Variants in ZNF804B observed in about 807,000 individuals in gnomAD.
The protein encoded by ZNF804B is zinc finger 804B.
ZNF804B carries 80 observed loss-of-function variants against 101.4 expected under a neutral mutation model. The observed-to-expected ratio is 0.79, with a 90% CI of 0.66 to 0.95. The LOEUF (loss-of-function observed/expected upper bound fraction) is 0.95. Among genes scored for constraint, ZNF804B ranks in the 40% least tolerant of loss-of-function variants. The pLI is 0.00. For synonymous variants in ZNF804B, 622 were observed against 558.8 expected (o/e 1.11, Z -1.59); for missense variants, 1,673 against 1,561.9 (o/e 1.07, Z -1.20).
At chr7:89,251,415 C>T (rs117299915) in intron 2 of ZNF804B, among the ~76,000 whole-genome samples, 369 of 152,162 alleles carry the variant, frequency 2.4e-3, no homozygotes, top group South Asian at 3.7e-3. Context: ...AGAAACAAGA[C>T]ATCTACAAAA....
chr7:89,043,320 G>A (rs1356549832), intron 1 of ZNF804B, among the ~76,000 whole-genome samples: 3 of 152,190 alleles, frequency 2.0e-5, no homozygotes, highest in Non-Finnish European at 4.4e-5. Flanking sequence ...GTAACCTGTA[G>A]CAGAAATTAA....
chr7:88,771,508 C>A (rs528419762), intron 1 of ZNF804B, among the ~76,000 whole-genome samples: 14 of 152,112 alleles, frequency 9.2e-5, no homozygotes, highest in Non-Finnish European at 1.8e-4. Context: ...AGATTTGCAG[C>A]TCAATTGACA....
intron 1 of ZNF804B, among the ~76,000 whole-genome samples, chr7:89,082,806 C>T (rs765263091): frequency 1.3e-5 from 2 of 151,610 alleles, no homozygotes; most frequent in Admixed American, 6.6e-5. Context: ...ACATGTGTAG[C>T]GATCTAAATA....
At chr7:89,031,211 G>GTATA (rs779823005) in intron 1 of ZNF804B, among the ~76,000 whole-genome samples, 3 of 147,188 alleles carry the variant, frequency 2.0e-5, no homozygotes, top group African/African-American at 5.0e-5. Context: ...GTGTGTGTGT[G>GTATA]TATATATATA....
At chr7:89,268,686 TA>T (rs144230131) in intron 2 of ZNF804B, among the ~76,000 whole-genome samples, 42,841 of 151,844 alleles carry the variant, frequency 0.28, 6,250 homozygotes, top group South Asian at 0.34. Flanking sequence ...TACCTGGCTT[TA>T]AAGCAAATCC....
At chr7:89,152,077 G>T (rs1790885886) in intron 1 of ZNF804B, among the ~76,000 whole-genome samples, 1 of 152,010 alleles carries the variant, frequency 6.6e-6, no homozygotes, top group African/African-American at 2.4e-5. Flanking sequence ...AAACTACCCT[G>T]GTGTTCCTGT....
chr7:88,955,743 A>C (rs1368011098), intron 1 of ZNF804B, among the ~76,000 whole-genome samples: 11 of 151,646 alleles, frequency 7.3e-5, no homozygotes, highest in Non-Finnish European at 1.5e-5. Flanking sequence ...ACAAAAATAG[A>C]CAAATGAGAC....
At chr7:89,140,205 G>A (rs1436178463) in intron 1 of ZNF804B, among the ~76,000 whole-genome samples, 2 of 151,918 alleles carry the variant, frequency 1.3e-5, no homozygotes, top group East Asian at 3.9e-4. Context: ...ATAAAACCAT[G>A]CTGTAAAAAG....
At chr7:89,220,501 C>T (rs1176855375) in intron 2 of ZNF804B, among the ~76,000 whole-genome samples, 1 of 151,856 alleles carries the variant, frequency 6.6e-6, no homozygotes, top group African/African-American at 2.4e-5. Flanking sequence ...TATCACCCAA[C>T]TTCAATGATA....
intron 1 of ZNF804B, among the ~76,000 whole-genome samples, chr7:89,004,472 T>TAACTAAAC (rs1217719460): frequency 1.3e-5 from 2 of 151,868 alleles, no homozygotes; most frequent in Admixed American, 1.3e-4. Flanking sequence ...ATTTAAATAG[T>TAACTAAAC]TTCTGGGGTT....
intron 1 of ZNF804B, among the ~76,000 whole-genome samples, chr7:89,055,734 G>C (rs1260310324): frequency 6.6e-6 from 1 of 152,022 alleles, no homozygotes; most frequent in Non-Finnish European, 1.5e-5. Flanking sequence ...AAATATGGCA[G>C]CCAGGGAAAC....
intron 1 of ZNF804B, among the ~76,000 whole-genome samples, chr7:88,860,516 T>G (rs978431350): frequency 2.6e-5 from 4 of 152,094 alleles, no homozygotes; most frequent in African/African-American, 9.6e-5. Context: ...TATTCACAAA[T>G]AAATAATCTC....
Position 89,219,989 on chromosome 7 carries a change from G to GTATA in ZNF804B, c.249+1694_249+1695insTATA, listed in dbSNP as rs1257517964. Among the ~76,000 whole-genome samples the GTATA allele has an allele frequency of 7.4e-4, 102 of 137,878 alleles. 7 individuals carry two copies. The highest frequency in any genetic ancestry group is 2.0e-3 in the African/African-American group (70 of 35,018). 90.5% of individuals were successfully genotyped at this position (137,878 alleles called of 152,430 possible). On this transcript the variant is annotated intron_variant, in intron 2 of 3. Transcript: ENST00000333190. ...CATATATATGTATATACATATGTGT[G>GTATA]CATATATGTATATGCACATATATGT... is the stretch of plus-strand genomic sequence containing the variant.
intron 1 of ZNF804B, among the ~76,000 whole-genome samples, chr7:88,979,877 G>C (rs1793671154): frequency 6.6e-6 from 1 of 151,048 alleles, no homozygotes; most frequent in South Asian, 2.1e-4. Context: ...GTATTTTATA[G>C]ATTTTGTAGG....
chr7:88,842,560 T>C (rs1336720307), intron 1 of ZNF804B, among the ~76,000 whole-genome samples: 1 of 152,184 alleles, frequency 6.6e-6, no homozygotes, highest in African/African-American at 2.4e-5. Flanking sequence ...AGCTACAGAA[T>C]TGTTAAAAAT....
intron 1 of ZNF804B, among the ~76,000 whole-genome samples, chr7:88,886,296 T>A (rs1346514806): frequency 6.8e-6 from 1 of 146,340 alleles, no homozygotes; most frequent in Non-Finnish European, 1.6e-5. Context: ...TAGGTGTTGA[T>A]GTCTACTTGA....
At position 88,759,928 on chromosome 7, in the gene ZNF804B, C is replaced by A. The variant is rs201368092; in HGVS notation, c.-49C>A. 3,590 of 1,536,232 alleles carry A rather than the reference C, an allele frequency of 2.3e-3. 8 individuals are homozygous for A. Among genetic ancestry groups the A allele is most frequent in the Non-Finnish European group, 2.5e-3 (2,778 of 1,111,276 alleles). On this transcript the variant is annotated 5_prime_UTR_variant, in exon 1 of 4. It adds an upstream start codon to the 5' untranslated region. Coordinates refer to ENST00000333190, the MANE Select transcript of ZNF804B (RefSeq NM_181646.5). The stretch of plus-strand genomic sequence containing the variant: ...TGAGAAACCCGCCCGCTTTCCACGG[C>A]TGGTCGCCTGGTGAGGAGTTGAGAC...
intron 1 of ZNF804B, among the ~76,000 whole-genome samples, chr7:88,968,006 A>T (rs1380022793): frequency 6.6e-6 from 1 of 151,516 alleles, no homozygotes; most frequent in Non-Finnish European, 1.5e-5. Flanking sequence ...GGAATACAGG[A>T]CACTTTTTTA....
intron 1 of ZNF804B, among the ~76,000 whole-genome samples, chr7:88,991,864 A>C (rs1413901938): frequency 6.6e-6 from 1 of 152,156 alleles, no homozygotes; most frequent in Non-Finnish European, 1.5e-5. Flanking sequence ...GAGGTCTTTC[A>C]TTCAATGGCC....
Sources: allele counts gnomAD v4.1 joint callset (sites outside exome capture counted in the v4.1 genomes callset), GRCh38; gene constraint gnomAD v4.1.1; transcripts MANE v1.5; gene names NCBI Gene and HGNC (gene_info 2026-07-23, HGNC 2026-07-21).